Variants in CCSER1 observed in about 807,000 individuals in gnomAD.
The protein encoded by CCSER1 is coiled-coil serine rich protein 1.
In CCSER1, 41 loss-of-function variants were observed where a neutral mutation model predicts 82.0. The ratio of observed to expected loss-of-function variants is 0.50; its 90% CI spans 0.39 to 0.65. CCSER1 has a LOEUF of 0.65. CCSER1 is among the 30% of genes least tolerant of loss of function. The pLI, the probability that CCSER1 is intolerant of heterozygous loss-of-function variation, is 0.00. For synonymous variants in CCSER1, 414 were observed against 383.9 expected, an observed-to-expected ratio of 1.08 and a Z score of -0.92; for missense variants, 1,119 against 1,064.2, an observed-to-expected ratio of 1.05 and a Z score of -0.72.
At chr4:91,230,492 T>C (rs1015320917) in intron 10 of CCSER1, among the ~76,000 whole-genome samples, 1 of 151,994 alleles carries the variant, frequency 6.6e-6, no homozygotes, top group Non-Finnish European at 1.5e-5. Flanking sequence ...CAGAATAGGA[T>C]AGTTGGAAAT....
chr4:90,958,414 C>G (rs544382160), intron 9 of CCSER1, among the ~76,000 whole-genome samples: 35 of 152,280 alleles, frequency 2.3e-4, no homozygotes, highest in Middle Eastern at 3.4e-3. Context: ...CCCTTGTGGT[C>G]TCCCTGCATA....
intron 5 of CCSER1, among the ~76,000 whole-genome samples, chr4:90,524,501 A>C (rs980745603): frequency 6.6e-6 from 1 of 151,892 alleles, no homozygotes; most frequent in East Asian, 1.9e-4. Flanking sequence ...ATGGAGTCTG[A>C]CTCTGTTGCC....
At chr4:90,567,699 T>G (rs530177775) in intron 5 of CCSER1, among the ~76,000 whole-genome samples, 5 of 151,458 alleles carry the variant, frequency 3.3e-5, no homozygotes, top group Admixed American at 1.3e-4. Flanking sequence ...TCAGCCTTCA[T>G]GGGCATAGGT....
At chr4:90,788,679 A>G (rs144462246) in intron 7 of CCSER1, among the ~76,000 whole-genome samples, 2 of 152,328 alleles carry the variant, frequency 1.3e-5, no homozygotes, top group East Asian at 3.9e-4. Flanking sequence ...TCCAAATAAT[A>G]TATCCTGACT....
chr4:90,641,886 A>G (rs539232597), intron 6 of CCSER1: 16 of 274,724 alleles, frequency 5.8e-5, no homozygotes, highest in South Asian at 5.3e-4. Context: ...ATCATATTCA[A>G]TAATTAATCA....
chr4:90,166,758 A>G (rs1578282641), intron 1 of CCSER1, among the ~76,000 whole-genome samples: 1 of 152,022 alleles, frequency 6.6e-6, no homozygotes, highest in African/African-American at 2.4e-5. Flanking sequence ...AAATGTTAAA[A>G]GAGTTTCAAA....
At chr4:90,171,890 T>A (rs1021206129) in intron 1 of CCSER1, among the ~76,000 whole-genome samples, 1 of 151,918 alleles carries the variant, frequency 6.6e-6, no homozygotes, top group Non-Finnish European at 1.5e-5. Flanking sequence ...TAAGACATGA[T>A]TTCCAGGCTC....
chr4:91,338,144 T>C (rs1262819822), intron 10 of CCSER1, among the ~76,000 whole-genome samples: 1 of 152,148 alleles, frequency 6.6e-6, no homozygotes, highest in Non-Finnish European at 1.5e-5. Context: ...TCCCCCTAGA[T>C]TGTTTGTGCA....
chr4:90,452,228 CTGCATAGGT>C (rs527660258), intron 4 of CCSER1, among the ~76,000 whole-genome samples: 35 of 152,276 alleles, frequency 2.3e-4, no homozygotes, highest in East Asian at 1.6e-3. Context: ...TCCTCTCCGG[CTGCATAGGT>C]TTGCACTACT....
chr4:91,195,458 A>G (rs1735330921), intron 10 of CCSER1, among the ~76,000 whole-genome samples: 1 of 152,106 alleles, frequency 6.6e-6, no homozygotes, highest in Non-Finnish European at 1.5e-5. Flanking sequence ...CTTAATGGGA[A>G]ATTTTGTGGA....
At chr4:91,076,850 A>T (rs1722052753) in intron 9 of CCSER1, among the ~76,000 whole-genome samples, 2 of 152,170 alleles carry the variant, frequency 1.3e-5, no homozygotes, top group Admixed American at 1.3e-4. Flanking sequence ...GGAACAGCCT[A>T]AACATAACTT....
intron 5 of CCSER1, among the ~76,000 whole-genome samples, chr4:90,550,128 A>G (rs1214542557): frequency 1.2e-4 from 18 of 152,182 alleles, no homozygotes; most frequent in Non-Finnish European, 2.4e-4. Context: ...CCAGGGGAAG[A>G]GTAGCCAGTG....
intron 10 of CCSER1, among the ~76,000 whole-genome samples, chr4:91,440,901 C>T (rs952625015): frequency 2.6e-5 from 4 of 151,942 alleles, no homozygotes; most frequent in Middle Eastern, 6.3e-3. Context: ...ACACATACAC[C>T]CTCCCAAGAC....
At chr4:90,657,297 G>GT (rs1386466935) in intron 6 of CCSER1, among the ~76,000 whole-genome samples, 3 of 151,918 alleles carry the variant, frequency 2.0e-5, no homozygotes, top group African/African-American at 7.2e-5. Context: ...AAGAGATTTT[G>GT]TTTTTTGGAA....
At chr4:90,633,721 CTTAT>C (rs796145758) in intron 6 of CCSER1, among the ~76,000 whole-genome samples, 30 of 151,988 alleles carry the variant, frequency 2.0e-4, no homozygotes, top group African/African-American at 7.2e-4. Context: ...ATTATTACTT[CTTAT>C]TTGTTTGGCT....
chr4:90,718,070 A>G (rs1019019551), intron 6 of CCSER1, among the ~76,000 whole-genome samples: 4 of 152,126 alleles, frequency 2.6e-5, no homozygotes, highest in Non-Finnish European at 5.9e-5. Context: ...TATAGAAATC[A>G]AAATTATCTT....
At chr4:90,611,950 A>G (rs1450219324) in intron 5 of CCSER1, among the ~76,000 whole-genome samples, 1 of 151,594 alleles carries the variant, frequency 6.6e-6, no homozygotes, top group East Asian at 1.9e-4. Flanking sequence ...CACAGATATC[A>G]GATACTCAAA....
intron 3 of CCSER1, among the ~76,000 whole-genome samples, chr4:90,371,328 T>A (rs1276288014): frequency 6.6e-6 from 1 of 152,170 alleles, no homozygotes; most frequent in African/African-American, 2.4e-5. Flanking sequence ...AGTAATTCTT[T>A]TGATTCTATA....
At chr4:91,227,392 C>T (rs1160825518) in intron 10 of CCSER1, among the ~76,000 whole-genome samples, 1 of 151,708 alleles carries the variant, frequency 6.6e-6, no homozygotes, top group Non-Finnish European at 1.5e-5. Context: ...CACATTGACT[C>T]ATAGAAACCG....
Sources: gnomAD v4.1 joint callset for allele counts (sites outside exome capture counted in the v4.1 genomes callset) on GRCh38, gnomAD v4.1.1 for gene constraint, MANE v1.5 for transcripts, NCBI Gene and HGNC (gene_info 2026-07-23, HGNC 2026-07-21) for gene names.